The following BEGAIN variants were observed in gnomAD, a reference collection of about 807,000 sequenced individuals.
The protein encoded by BEGAIN is brain enriched guanylate kinase associated.
In BEGAIN, 19 loss-of-function variants were observed where a neutral mutation model predicts 35.8. That is an observed-to-expected ratio of 0.53 (90% confidence interval 0.37 to 0.78). The LOEUF is 0.78. Ranked by LOEUF, BEGAIN falls within the 30% of genes least tolerant of loss-of-function variation. BEGAIN has a pLI of 0.00. For missense variants in BEGAIN, 795 were observed against 853.6 expected (o/e 0.93, Z 0.85); for synonymous variants, 462 against 388.6 (o/e 1.19, Z -2.22).
chr14:100,551,690 A>G (rs1029177351), intron 2 of BEGAIN, among the ~76,000 whole-genome samples: 2 of 152,196 alleles, frequency 1.3e-5, no homozygotes, highest in South Asian at 4.1e-4. Context: ...ATTGCTAAAG[A>G]TCAAATTTTG....
At chr14:100,556,959 T>C (rs2033784651) in intron 2 of BEGAIN, among the ~76,000 whole-genome samples, 1 of 152,160 alleles carries the variant, frequency 6.6e-6, no homozygotes. Context: ...ACCTGGATTG[T>C]AGAGGAAGAG....
chr14:100,580,059 C>G (rs2035284512), intron 1 of BEGAIN, among the ~76,000 whole-genome samples: 1 of 152,348 alleles, frequency 6.6e-6, no homozygotes, highest in East Asian at 1.9e-4. Context: ...AATCCCAGCA[C>G]TTTGGGAGGC....
intron 2 of BEGAIN, among the ~76,000 whole-genome samples, chr14:100,555,305 C>T (rs1178709294): frequency 1.3e-5 from 2 of 152,260 alleles, no homozygotes; most frequent in African/African-American, 4.8e-5. Flanking sequence ...CCTCGCCTGG[C>T]GGAGCCTCTC....
rs118016893 is a variant in BEGAIN, at chr14:100,563,610, C to G, written c.71+4301G>C. On this transcript the variant is annotated intron_variant, in intron 2 of 6. Transcript: ENST00000554140. The surrounding 1 kb of genome is among the most constrained non-coding windows in gnomAD (Gnocchi z 4.2). ...AAACCAGGGCAGCCCACCCCAACAA[C>G]GCTGGAGGGACAGTGATGGGGAGAA... is the stretch of plus-strand genomic sequence containing the variant. 6.6e-6 allele frequency among the ~76,000 whole-genome samples: 1 copy of G among 152,214 alleles called. No homozygotes were observed. Among genetic ancestry groups the G allele is most frequent in the Admixed American group, 6.5e-5 (1 of 15,282 alleles).
chr14:100,564,196 T>C (rs1038723442), intron 2 of BEGAIN, among the ~76,000 whole-genome samples: 5 of 151,070 alleles, frequency 3.3e-5, no homozygotes, highest in Non-Finnish European at 7.4e-5. Flanking sequence ...TTGACACAGG[T>C]GGTGGTCGCC....
At chr14:100,583,064 C>T (rs1566983867) in intron 1 of BEGAIN, among the ~76,000 whole-genome samples, 1 of 151,130 alleles carries the variant, frequency 6.6e-6, no homozygotes, top group Non-Finnish European at 1.5e-5. Context: ...CGCACCAACA[C>T]ATCCTTCTGT....
intron 4 of BEGAIN, among the ~76,000 whole-genome samples, chr14:100,544,262 C>T (rs1432666804): frequency 6.6e-6 from 1 of 152,168 alleles, no homozygotes; most frequent in African/African-American, 2.4e-5. Flanking sequence ...GGACAGATGA[C>T]TTGTGCCTGG....
In BEGAIN at chr14:100,586,708, T is replaced by C. The variant is rs566568665; in HGVS notation, c.42+541A>G. The stretch of plus-strand genomic sequence containing the variant: ...GAGGATAGTACCTGCCGCGAGGTAC[T>C]GAATGGGATGGTGGTGTCCGAGGTT... On this transcript the variant is annotated intron_variant, in intron 1 of 6. Coordinates refer to ENST00000554140, the MANE Select transcript of BEGAIN (RefSeq NM_001385089.1). The surrounding 1 kb of genome is among the most constrained non-coding windows in gnomAD (Gnocchi z 4.9). Among the ~76,000 whole-genome samples, 1 of 152,304 alleles carries C rather than the reference T, an allele frequency of 6.6e-6. No individual in the cohort carries two copies. Among genetic ancestry groups the C allele is most frequent in the Non-Finnish European group, 1.5e-5 (1 of 68,030 alleles).
At chr14:100,543,671 G>A (rs1045564218) in intron 5 of BEGAIN, among the ~76,000 whole-genome samples, 187 bp downstream of exon 5, 1 of 152,234 alleles carries the variant, frequency 6.6e-6, no homozygotes, top group Non-Finnish European at 1.5e-5. Context: ...AACTGCAGCA[G>A]GTCCTTCTCA....
Position 100,568,327 on chromosome 14 carries a change from A to ACCAAACAGCC in BEGAIN, c.43-389_43-388insGGCTGTTTGG. 1 of 841,122 alleles carries ACCAAACAGCC rather than the reference A, an allele frequency of 1.2e-6. No individual in the cohort carries two copies. Among genetic ancestry groups the ACCAAACAGCC allele is most frequent in the Non-Finnish European group, 1.7e-6 (1 of 604,452 alleles). The allele number at this position is 841,122 out of a possible 1,614,324, so 52.1% of individuals were successfully genotyped here. On this transcript the variant is annotated intron_variant, in intron 1 of 6. Transcript: ENST00000554140. This position sits in a 1 kb window ranked among gnomAD's most constrained non-coding sequence, Gnocchi z 7.5. ...GCTGCTCCCCCCGCCCCGCCCGTTA[A>ACCAAACAGCC]CCCTTCCTGCCCCGCGCTCCCTCCC...
At position 100,543,988 on chromosome 14, in the gene BEGAIN, A is replaced by G. The variant is rs1478442429; in HGVS notation, c.301-23T>C. On this transcript the variant is annotated intron_variant, in intron 4 of 6. Coordinates refer to ENST00000554140, the MANE Select transcript of BEGAIN (RefSeq NM_001385089.1). ...GCCCTGGGGGTGGGACAGTGGGAGG[A>G]GGAGGCCCGTGGTTGGCTCCTGGTG... The G allele has an allele frequency of 1.9e-6, 3 of 1,580,104 alleles. No homozygotes were observed. The Admixed American group carries it at 5.3e-5, about 28-fold the overall frequency.
At chr14:100,580,896 G>A (rs1024309635) in intron 1 of BEGAIN, among the ~76,000 whole-genome samples, 1 of 152,182 alleles carries the variant, frequency 6.6e-6, no homozygotes, top group Non-Finnish European at 1.5e-5. Context: ...ACTGGAAACA[G>A]GATGAGAATA....
chr14:100,564,147 G>A (rs1037747885), intron 2 of BEGAIN, among the ~76,000 whole-genome samples: 3 of 151,956 alleles, frequency 2.0e-5, no homozygotes, highest in Non-Finnish European at 4.4e-5. Context: ...TGTGGGGAAG[G>A]GTCTCGGGGG....
rs2034777420 is a variant in BEGAIN, at chr14:100,567,346, A to T, written c.71+565T>A. 6.6e-6 allele frequency among the ~76,000 whole-genome samples: 1 copy of T among 151,950 alleles called. No individual in the cohort carries two copies. Among genetic ancestry groups the T allele is most frequent in the Admixed American group, 6.5e-5 (1 of 15,278 alleles). On this transcript the variant is annotated intron_variant, in intron 2 of 6. Coordinates refer to ENST00000554140, the MANE Select transcript of BEGAIN (RefSeq NM_001385089.1). This position sits in a 1 kb window ranked among gnomAD's most constrained non-coding sequence, Gnocchi z 5.1. ...GAGGCCGCGGGGGACACTCCCCAGAAGCTGTCGCGGGATTCCCCCAAAATG... is the reference window on the plus strand; with the variant it reads ...GAGGCCGCGGGGGACACTCCCCAGATGCTGTCGCGGGATTCCCCCAAAATG...
Position 100,567,268 on chromosome 14 carries a change from C to G in BEGAIN, c.71+643G>C, listed in dbSNP as rs545671514. Among the ~76,000 whole-genome samples, 10 of 152,308 alleles carry G rather than the reference C, an allele frequency of 6.6e-5. No homozygotes were observed. The highest frequency in any genetic ancestry group is 2.2e-4 in the African/African-American group (9 of 41,574). On this transcript the variant is annotated intron_variant, in intron 2 of 6. Coordinates refer to ENST00000554140, the MANE Select transcript of BEGAIN (RefSeq NM_001385089.1). The surrounding 1 kb of genome is among the most constrained non-coding windows in gnomAD (Gnocchi z 5.1). ...TCAAACTGGCTGATCCCAGGCCTGC[C>G]GCGCAGGTGGTCCCGTGAAGTCTAC...
chr14:100,562,836 AT>A (rs1181157846), intron 2 of BEGAIN, among the ~76,000 whole-genome samples: 1 of 152,182 alleles, frequency 6.6e-6, no homozygotes, highest in African/African-American at 2.4e-5. Context: ...CGTGATATTT[AT>A]TTAACTTAAA....
chr14:100,585,041 C>T (rs569120613), intron 1 of BEGAIN, among the ~76,000 whole-genome samples: 2 of 152,262 alleles, frequency 1.3e-5, no homozygotes, highest in African/African-American at 2.4e-5. Context: ...TCCCCATCAC[C>T]TTCAGGCCTT....
intron 2 of BEGAIN, among the ~76,000 whole-genome samples, chr14:100,557,048 C>G: frequency 6.6e-6 from 1 of 151,928 alleles, no homozygotes; most frequent in Non-Finnish European, 1.5e-5. Context: ...CCAGTCCCAG[C>G]GCCGGCTCTG....
At chr14:100,574,454 C>T (rs141586288) in intron 1 of BEGAIN, among the ~76,000 whole-genome samples, 22 of 151,564 alleles carry the variant, frequency 1.5e-4, no homozygotes, top group Admixed American at 3.3e-4. Flanking sequence ...CTGGTGACTG[C>T]GAACTGGCCT....
Sources: allele counts gnomAD v4.1 joint callset (sites outside exome capture counted in the v4.1 genomes callset), GRCh38; gene constraint gnomAD v4.1.1; non-coding constraint Gnocchi (gnomAD v3.1); transcripts MANE v1.5; gene names NCBI Gene and HGNC (gene_info 2026-07-23, HGNC 2026-07-21).